PCNT: variants seen among roughly 807,000 people sequenced by gnomAD.
PCNT encodes the protein pericentrin, also known as kendrin.
A neutral mutation model predicts 380.4 loss-of-function variants in PCNT; 319 were observed. The observed-to-expected ratio is 0.84, with a 90% CI of 0.77 to 0.92. PCNT has a LOEUF of 0.92. PCNT is among the 40% of genes least tolerant of loss of function. The probability of loss-of-function intolerance (pLI) is 0.00; values close to 1 mark genes in which losing one functional copy is unlikely to be tolerated. For missense variants in PCNT, 4,400 were observed against 4,255.3 expected, an observed-to-expected ratio of 1.03 and a Z score of -0.95; for synonymous variants, 1,845 against 1,735.2, an observed-to-expected ratio of 1.06 and a Z score of -1.57.
intron 1 of PCNT, chr21:46,325,243 T>A: frequency 1.0e-6 from 1 of 971,918 alleles, no homozygotes. Flanking sequence ...ATGTTCTGGC[T>A]GGGGTGCTGG....
rs2085552682 is a variant in PCNT, at chr21:46,381,798, TTTG to T, written c.3272_3274del (p.Leu1091del). On this transcript the variant is annotated inframe_deletion, in exon 16 of 47. Coordinates refer to ENST00000359568, the MANE Select transcript of PCNT (RefSeq NM_006031.6). ...CTTTTCACCAAGAGGAGAAAGAGTCTTTGTCTCTGCAGCTTCAAAAGAAGAATC... is the reference window on the plus strand; with the variant it reads ...CTTTTCACCAAGAGGAGAAAGAGTCTTCTCTGCAGCTTCAAAAGAAGAATC... 6.2e-7 allele frequency: 1 copy of T among 1,614,116 alleles called. No individual in the cohort carries two copies. The highest frequency in any genetic ancestry group is 1.7e-5 in the Admixed American group (1 of 60,008).
intron 32 of PCNT, among the ~76,000 whole-genome samples, chr21:46,423,286 G>C (rs907835357): frequency 6.6e-6 from 1 of 151,138 alleles, no homozygotes; most frequent in Non-Finnish European, 1.5e-5. Context: ...TGCCTCCTGG[G>C]CTCAAACGAT....
At chr21:46,376,642 C>T (rs1243717860) in intron 15 of PCNT, among the ~76,000 whole-genome samples, 2 of 152,214 alleles carry the variant, frequency 1.3e-5, no homozygotes, top group Non-Finnish European at 2.9e-5. Context: ...AATTCACCAG[C>T]GTTTTGTGGT....
intron 15 of PCNT, among the ~76,000 whole-genome samples, chr21:46,375,924 G>A (rs1196854428): frequency 6.6e-6 from 1 of 152,278 alleles, no homozygotes; most frequent in African/African-American, 2.4e-5. Flanking sequence ...TGCGGGTGGT[G>A]CTGTGCCTTG....
chr21:46,419,240 TTTAA>T (rs1404045041), intron 31 of PCNT, among the ~76,000 whole-genome samples: 1 of 152,128 alleles, frequency 6.6e-6, no homozygotes. Flanking sequence ...CCAGCAGCTT[TTTAA>T]TTTTGTTTTT....
intron 2 of PCNT, among the ~76,000 whole-genome samples, chr21:46,328,104 G>A (rs1016339726): frequency 1.3e-5 from 2 of 152,244 alleles, no homozygotes; most frequent in African/African-American, 4.8e-5. Context: ...GGTGGCCAAA[G>A]GCAGAATCTG....
intron 27 of PCNT, among the ~76,000 whole-genome samples, chr21:46,405,567 C>G (rs908816181): frequency 2.0e-5 from 3 of 152,046 alleles, no homozygotes; most frequent in Non-Finnish European, 4.4e-5. Context: ...GCCTGGTGGC[C>G]GGTGCCTCTA....
At position 46,353,090 on chromosome 21, in the gene PCNT, C is replaced by G. The variant is rs763884958; in HGVS notation, c.1457-14C>G. 1 of 1,608,620 alleles carries G rather than the reference C, an allele frequency of 6.2e-7. No individual in the cohort carries two copies. On this transcript the variant is annotated splice_polypyrimidine_tract_variant and intron_variant, in intron 9 of 46. Transcript: ENST00000359568. ...CCCATTTTAAGACGATTGCCTGACTCCGTTATGTTGCAGAGCTACATGAGC... is the reference window on the plus strand; with the variant it reads ...CCCATTTTAAGACGATTGCCTGACTGCGTTATGTTGCAGAGCTACATGAGC...
chr21:46,417,952 A>G (rs1414655355), intron 30 of PCNT, among the ~76,000 whole-genome samples: 3 of 152,216 alleles, frequency 2.0e-5, no homozygotes, highest in Admixed American at 6.5e-5. Flanking sequence ...TCCATATACT[A>G]TCATTTCATG....
chr21:46,426,021 G>T, intron 33 of PCNT, 50 bp downstream of exon 33: 5 of 1,584,218 alleles, frequency 3.2e-6, no homozygotes, highest in Non-Finnish European at 4.3e-6. Context: ...TAAGGAGCTT[G>T]TGGTAATGGC....
At chr21:46,395,762 T>A (rs1013921465) in intron 21 of PCNT, among the ~76,000 whole-genome samples, 4 of 150,882 alleles carry the variant, frequency 2.7e-5, no homozygotes, top group African/African-American at 9.8e-5. Flanking sequence ...TCAGAAATAA[T>A]AGTAATAAAA....
intron 38 of PCNT, 65 bp from the exon 39 acceptor site, chr21:46,435,839 G>A (rs1189232414): frequency 3.1e-6 from 5 of 1,605,288 alleles, no homozygotes; most frequent in Middle Eastern, 3.3e-4. Flanking sequence ...ACCGCGCCCG[G>A]CCGGCAGTTT....
chr21:46,431,075 G>A (rs144667745), intron 37 of PCNT: 16 of 985,492 alleles, frequency 1.6e-5, no homozygotes, highest in Non-Finnish European at 1.8e-5. Context: ...AGTTCCATGG[G>A]TTATGGCTTT....
At chr21:46,406,547 A>G (rs540205794) in intron 27 of PCNT, among the ~76,000 whole-genome samples, 14 of 152,360 alleles carry the variant, frequency 9.2e-5, no homozygotes, top group Admixed American at 8.5e-4. Flanking sequence ...ATAAGATAAC[A>G]TCATCTTCAG....
At chr21:46,394,923 C>T (rs148651463) in intron 21 of PCNT, among the ~76,000 whole-genome samples, 6 of 152,336 alleles carry the variant, frequency 3.9e-5, no homozygotes, top group South Asian at 2.1e-4. Flanking sequence ...TTGCGATCCT[C>T]GTGTGCCTCC....
At chr21:46,428,196 T>A (rs1034110724) in intron 34 of PCNT, among the ~76,000 whole-genome samples, 199 bp from the exon 35 acceptor site, 1 of 152,184 alleles carries the variant, frequency 6.6e-6, no homozygotes, top group African/African-American at 2.4e-5. Context: ...GTAACTGGCT[T>A]GCAGGCCTCA....
intron 21 of PCNT, among the ~76,000 whole-genome samples, 177 bp downstream of exon 21, chr21:46,391,553 C>T (rs2086034832): frequency 1.3e-5 from 2 of 152,238 alleles, no homozygotes; most frequent in Non-Finnish European, 2.9e-5. Flanking sequence ...GAGGCATCCA[C>T]TGGCTTTGCT....
chr21:46,431,288 G>A, intron 37 of PCNT: 4 of 1,382,332 alleles, frequency 2.9e-6, no homozygotes, highest in Non-Finnish European at 3.7e-6. Flanking sequence ...GACAGACTGG[G>A]AACATCTCTG....
At chr21:46,328,901 G>C (rs550711629) in intron 2 of PCNT, among the ~76,000 whole-genome samples, 2 of 152,230 alleles carry the variant, frequency 1.3e-5, no homozygotes, top group East Asian at 3.9e-4. Context: ...AGCCTCCCGA[G>C]TAGCTGGGAT....
Sources: gnomAD v4.1 joint callset for allele counts (sites outside exome capture counted in the v4.1 genomes callset) on GRCh38, gnomAD v4.1.1 for gene constraint, MANE v1.5 for transcripts, NCBI Gene and HGNC (gene_info 2026-07-23, HGNC 2026-07-21) for gene names.